The following SHANK1 variants were observed in gnomAD, a reference collection of about 807,000 sequenced individuals.
SHANK1 encodes SH3 and multiple ankyrin repeat domains protein 1.
SHANK1 carries 35 observed loss-of-function variants against 165.6 expected under a neutral mutation model. The ratio of observed to expected loss-of-function variants is 0.21; its 90% CI spans 0.16 to 0.28. The LOEUF (loss-of-function observed/expected upper bound fraction) is 0.28. Among genes scored for constraint, SHANK1 ranks in the 10% least tolerant of loss-of-function variants. The probability of loss-of-function intolerance (pLI) is 1.00; values close to 1 mark genes in which losing one functional copy is unlikely to be tolerated. For missense variants in SHANK1, 2,681 were observed against 3,036.4 expected (o/e 0.88, Z 2.75); for synonymous variants, 1,428 against 1,384.8 (o/e 1.03, Z -0.69).
At position 50,702,726 on chromosome 19, in the gene SHANK1, G is replaced by C. The variant is rs927540870; in HGVS notation, c.1554-66C>G. Reference sequence around the variant, plus strand: ...GAGGGGACACCTCTGGGAGGACAGGGGTCCTTGGGTGGGGGAAGAGGACGG... The same window carrying C: ...GAGGGGACACCTCTGGGAGGACAGGCGTCCTTGGGTGGGGGAAGAGGACGG... On this transcript the variant is annotated intron_variant, in intron 11 of 23. Coordinates refer to ENST00000293441, the MANE Select transcript of SHANK1 (RefSeq NM_016148.5). This position sits in a 1 kb window ranked among gnomAD's most constrained non-coding sequence, Gnocchi z 5.3. 1 of 1,063,256 alleles carries C rather than the reference G, an allele frequency of 9.4e-7. No homozygotes were observed. The highest frequency in any genetic ancestry group is 1.6e-5 in the African/African-American group (1 of 62,038). 65.9% of individuals were successfully genotyped at this position (1,063,256 alleles called of 1,614,324 possible).
intron 16 of SHANK1, 38 bp from the exon 17 acceptor site, chr19:50,689,006 G>T (rs200105673): frequency 5.5e-6 from 8 of 1,442,900 alleles, no homozygotes; most frequent in Non-Finnish European, 6.6e-6. Flanking sequence ...CGGAGGGGAG[G>T]GGGTGGAGAG....
Position 50,718,031 on chromosome 19 carries a change from G to T in SHANK1, c.-43-1069C>A, listed in dbSNP as rs2089088694. Among the ~76,000 whole-genome samples the T allele has an allele frequency of 6.6e-6, 1 of 152,106 alleles. No individual in the cohort carries two copies. The highest frequency in any genetic ancestry group is 2.4e-5 in the African/African-American group (1 of 41,394). ...ACCGGAAACCAGAATGTCTGGTCTG[G>T]TCCCTCCCCCCAACACCAGGCCCGG... On this transcript the variant is annotated intron_variant, in intron 1 of 23. Transcript: ENST00000293441. This position sits in a 1 kb window ranked among gnomAD's most constrained non-coding sequence, Gnocchi z 5.1.
rs1000782173 is a variant in SHANK1 at position 50,695,411 on chromosome 19, G to A, written c.1964+1685C>T. Among the ~76,000 whole-genome samples the A allele has an allele frequency of 2.7e-5, 4 of 150,652 alleles. No homozygotes were observed. The East Asian group carries it at 5.9e-4, about 22-fold the overall frequency. ...CCGGGCGGCGGAGGGGGCCGGGCAGGGGGGAGGGGGCCGGGAGGGGAACGC... is the reference window on the plus strand; with the variant it reads ...CCGGGCGGCGGAGGGGGCCGGGCAGAGGGGAGGGGGCCGGGAGGGGAACGC... On this transcript the variant is annotated intron_variant, in intron 15 of 23. Transcript: ENST00000293441.
At position 50,714,182 on chromosome 19, in the gene SHANK1, C is replaced by A. The variant is rs2089042343; in HGVS notation, c.640G>T (p.Glu214Ter). 1 of 1,613,716 alleles carries A rather than the reference C, an allele frequency of 6.2e-7. No individual in the cohort carries two copies. The stretch of plus-strand genomic sequence containing the variant: ...CCTCCTGATGCGCACCCCTCCCTAC[C>A]TCCCGAATCCGAGTCATGGTAATTG... ...DPNYHDSDSG[E>*]TPLTLAAQTE... Residue 214 changes from glutamate (E) to a stop codon, truncating the protein, a stop_gained and splice_region_variant, in exon 5 of 24, where the codon GAG becomes TAG. Transcript: ENST00000293441. LOFTEE classifies it high-confidence loss of function.
At chr19:50,709,200 A>G (rs182112298) in intron 8 of SHANK1, among the ~76,000 whole-genome samples, 427 of 152,278 alleles carry the variant, frequency 2.8e-3, no homozygotes, top group Non-Finnish European at 4.7e-3. Context: ...GTGCAGTGGC[A>G]TGATCTTGGC....
intron 15 of SHANK1, among the ~76,000 whole-genome samples, chr19:50,694,473 C>T (rs1192958851): frequency 1.3e-5 from 2 of 148,536 alleles, no homozygotes; most frequent in Admixed American, 6.7e-5. Flanking sequence ...CACGGTGGCT[C>T]CCCACAGGGA....
chr19:50,686,457 C>G lies in SHANK1; in HGVS notation c.2459-102G>C. ...GCTGCCGCCCGCAGTTCATCCAGCA[C>G]CTGGATCAACCAGGAAAGGGCAGCC... On this transcript the variant is annotated intron_variant, in intron 20 of 23. Transcript: ENST00000293441. This position sits in a 1 kb window ranked among gnomAD's most constrained non-coding sequence, Gnocchi z 5.7. 1.1e-6 allele frequency: 1 copy of G among 872,384 alleles called. No individual in the cohort carries two copies. The highest frequency in any genetic ancestry group is 1.8e-6 in the Non-Finnish European group (1 of 552,176). 54.0% of individuals were successfully genotyped at this position (872,384 alleles called of 1,614,324 possible).
chr19:50,668,262 C>T lies in SHANK1; in HGVS notation c.3698G>A (p.Gly1233Glu). Residue 1233 changes from glycine (G) to glutamate (E), a missense_variant, in exon 23 of 24, where the codon GGG (glycine) becomes GAG (glutamate). By Grantham distance (98) the Gly-to-Glu change is moderately conservative (BLOSUM62 -2). Around this residue, in one of 10 missense-constraint regions of SHANK1, gnomAD observed 1,713 missense variants for 1,630.2 expected, o/e 1.05. Coordinates refer to ENST00000293441, the MANE Select transcript of SHANK1 (RefSeq NM_016148.5). ...PATLDFTSQFGAALVGAARRE... is the reference protein window; with the variant it reads ...PATLDFTSQFEAALVGAARRE... ...CCGGGCCGCCCCCACCAGGGCGGCCCCGAACTGGCTCGTGAAGTCCAGCGT... is the reference window on the plus strand; with the variant it reads ...CCGGGCCGCCCCCACCAGGGCGGCCTCGAACTGGCTCGTGAAGTCCAGCGT... 7.0e-7 allele frequency: 1 copy of T among 1,419,220 alleles called. No individual in the cohort carries two copies. The highest frequency in any genetic ancestry group is 9.1e-7 in the Non-Finnish European group (1 of 1,101,732). 87.9% of individuals were successfully genotyped at this position (1,419,220 alleles called of 1,614,324 possible). A position where few individuals can be genotyped will look rare whatever the true frequency, so the allele number is the denominator to read the frequency against.
At chr19:50,689,057 C>A in intron 16 of SHANK1, 89 bp from the exon 17 acceptor site, 1 of 1,134,216 alleles carries the variant, frequency 8.8e-7, no homozygotes, top group Admixed American at 1.9e-5. Flanking sequence ...TCACGGAGGC[C>A]TCACCGCAGC....
chr19:50,708,526 T>C (rs866514567), intron 8 of SHANK1, among the ~76,000 whole-genome samples: 1 of 126,880 alleles, frequency 7.9e-6, no homozygotes, highest in South Asian at 2.8e-4. Flanking sequence ...GGCCAGATGC[T>C]GTGTCTGATT....
intron 15 of SHANK1, among the ~76,000 whole-genome samples, chr19:50,694,282 C>T (rs904056058): frequency 4.0e-5 from 6 of 151,206 alleles, no homozygotes; most frequent in Admixed American, 6.6e-5. Context: ...CACAGTGACA[C>T]GCAGCGGAAA....
intron 21 of SHANK1, among the ~76,000 whole-genome samples, chr19:50,676,621 G>A (rs754589060): frequency 5.3e-5 from 8 of 152,112 alleles, no homozygotes; most frequent in Non-Finnish European, 8.8e-5. Context: ...GCTTCCTCCT[G>A]TTACTCTGTC....
At chr19:50,699,342 AGTGG>A (rs1986833060) in intron 12 of SHANK1, among the ~76,000 whole-genome samples, 3 of 152,362 alleles carry the variant, frequency 2.0e-5, no homozygotes, top group Admixed American at 2.0e-4. Context: ...CTTCCAGAGC[AGTGG>A]CCAATAGAGG....
At chr19:50,665,066 C>T (rs1985421838) in intron 23 of SHANK1, among the ~76,000 whole-genome samples, 1 of 152,192 alleles carries the variant, frequency 6.6e-6, no homozygotes, top group East Asian at 1.9e-4. Context: ...CTGTTAATAA[C>T]TTTTTGTTCA....
In SHANK1 at chr19:50,719,591, C is replaced by T. The variant is rs1254022895; in HGVS notation, c.-229G>A. On this transcript the variant is annotated 5_prime_UTR_variant, in exon 1 of 24. Coordinates refer to ENST00000293441, the MANE Select transcript of SHANK1 (RefSeq NM_016148.5). ...GGCGGGAGGGCCGAGGACCTCACCCCCCCCGCGGGCCGGGCCTGGCCATCC... is the reference window on the plus strand; with the variant it reads ...GGCGGGAGGGCCGAGGACCTCACCCTCCCCGCGGGCCGGGCCTGGCCATCC... The T allele has an allele frequency of 6.7e-6, 1 of 148,450 alleles. No homozygotes were observed. Among genetic ancestry groups the T allele is most frequent in the Non-Finnish European group, 1.5e-5 (1 of 66,088 alleles). 9.2% of individuals were successfully genotyped at this position (148,450 alleles called of 1,614,324 possible).
In SHANK1 at chr19:50,688,962, G is replaced by A; in HGVS notation, c.2054C>T (p.Thr685Ile). 1.9e-6 allele frequency: 3 copies of A among 1,546,992 alleles called. No homozygotes were observed. Among genetic ancestry groups the A allele is most frequent in the Non-Finnish European group, 2.6e-6 (3 of 1,142,850 alleles). Residue 685 changes from threonine to isoleucine, a missense_variant, in exon 17 of 24, where the codon ACC becomes ATC. By Grantham distance (89) the Thr-to-Ile change is moderately conservative (BLOSUM62 -1). Coordinates refer to ENST00000293441, the MANE Select transcript of SHANK1 (RefSeq NM_016148.5). This position sits in a 1 kb window ranked among gnomAD's most constrained non-coding sequence, Gnocchi z 6.7. The part of the protein sequence containing the change: ...GFVLRGAKAQ[T>I]PIEEFTPTPA... ...GGTGGGGGTGAACTCCTCGATGGGG[G>A]TCTGCGCTGCAGACAGGGAGGAGCC...
chr19:50,666,632 G>T lies in SHANK1; in HGVS notation c.5328C>A (p.Leu1776=). The change falls in exon 23 of 24, where the codon CTC becomes CTA. Residue 1776 remains leucine, a synonymous_variant. Transcript: ENST00000293441. ...GGCTGGTGGGGGTAACAGGGTCTCG[G>T]AGTCCCCCGCTGGGGCCAGGCCGCA... is the stretch of plus-strand genomic sequence containing the variant. ...GGLRPGPSGG[L]RDPVTPTSPT... 1 of 1,597,516 alleles carries T rather than the reference G, an allele frequency of 6.3e-7. No individual in the cohort carries two copies.
At chr19:50,679,955 C>T (rs1021158222) in intron 21 of SHANK1, among the ~76,000 whole-genome samples, 1 of 149,824 alleles carries the variant, frequency 6.7e-6, no homozygotes, top group African/African-American at 2.5e-5. Context: ...GATAGAGAGA[C>T]AGAGAGACAA....
chr19:50,702,787 C>T lies in SHANK1; in HGVS notation c.1554-127G>A, dbSNP rs543555703. ...GGGAGGGGGGGTTTCCCAGCACTGG[C>T]GTCCTCCAAGGAAGAGGGCATTTGG... On this transcript the variant is annotated intron_variant, in intron 11 of 23. Coordinates refer to ENST00000293441, the MANE Select transcript of SHANK1 (RefSeq NM_016148.5). This position sits in a 1 kb window ranked among gnomAD's most constrained non-coding sequence, Gnocchi z 5.3. 1.9e-4 allele frequency: 123 copies of T among 644,038 alleles called. No individual in the cohort carries two copies. The highest frequency in any genetic ancestry group is 1.2e-3 in the East Asian group (43 of 35,982). The allele number at this position is 644,038 out of a possible 1,614,324, so 39.9% of individuals were successfully genotyped here.
Sources: gnomAD v4.1 joint callset for allele counts (sites outside exome capture counted in the v4.1 genomes callset) on GRCh38, gnomAD v4.1.1 for gene constraint, gnomAD v4.1.1 regional missense constraint, Gnocchi (gnomAD v3.1) non-coding constraint, MANE v1.5 for transcripts, NCBI Gene and HGNC (gene_info 2026-07-23, HGNC 2026-07-21) for gene names.